Variants in PTPRG observed in about 807,000 individuals in gnomAD.
The protein encoded by PTPRG is receptor-type tyrosine-protein phosphatase gamma.
A neutral mutation model predicts 165.3 loss-of-function variants in PTPRG; 102 were observed. The ratio of observed to expected loss-of-function variants is 0.62; its 90% confidence interval spans 0.53 to 0.73. PTPRG has a LOEUF of 0.73. Ranked by LOEUF, PTPRG falls within the 30% of genes least tolerant of loss-of-function variation. The pLI, the probability that PTPRG is intolerant of heterozygous loss-of-function variation, is 0.00. For missense variants in PTPRG, 1,866 were observed against 1,861.4 expected, an observed-to-expected ratio of 1.00 and a Z score of -0.05; for synonymous variants, 675 against 669.5, an observed-to-expected ratio of 1.01 and a Z score of -0.13.
At chr3:61,710,564 G>C (rs1038308387) in intron 1 of PTPRG, among the ~76,000 whole-genome samples, 2 of 152,022 alleles carry the variant, frequency 1.3e-5, no homozygotes, top group Admixed American at 6.6e-5. Flanking sequence ...CTTTGAATGA[G>C]GCCCAACACA....
intron 2 of PTPRG, among the ~76,000 whole-genome samples, chr3:61,914,515 C>G (rs2038884042): frequency 6.6e-6 from 1 of 152,216 alleles, no homozygotes; most frequent in South Asian, 2.1e-4. Flanking sequence ...AGATACTTGC[C>G]TATGTCCTTG....
intron 1 of PTPRG, among the ~76,000 whole-genome samples, chr3:61,593,928 C>G (rs1007329041): frequency 6.6e-6 from 1 of 151,946 alleles, no homozygotes; most frequent in African/African-American, 2.4e-5. Flanking sequence ...TCTCTTTTTT[C>G]CTTAATCACT....
At chr3:61,960,524 C>CT (rs1260542220) in intron 2 of PTPRG, among the ~76,000 whole-genome samples, 2 of 152,142 alleles carry the variant, frequency 1.3e-5, no homozygotes, top group Non-Finnish European at 2.9e-5. Flanking sequence ...ACTCTGGAGA[C>CT]TGAGCCTAAG....
In PTPRG at chr3:62,214,452, G is replaced by A. The variant is rs1199725779; in HGVS notation, c.2156-4399G>A. ...TCTTCATCCCACCACAATGCCGTATGCAATATTATTACTTCCATTTACAGA... is the reference window on the plus strand; with the variant it reads ...TCTTCATCCCACCACAATGCCGTATACAATATTATTACTTCCATTTACAGA... On this transcript the variant is annotated intron_variant, in intron 12 of 29. Coordinates refer to ENST00000474889, the MANE Select transcript of PTPRG (RefSeq NM_002841.4). This position sits in a 1 kb window ranked among gnomAD's most constrained non-coding sequence, Gnocchi z 5.2. 6.6e-6 allele frequency among the ~76,000 whole-genome samples: 1 copy of A among 152,206 alleles called. No homozygotes were observed. Among genetic ancestry groups the A allele is most frequent in the Non-Finnish European group, 1.5e-5 (1 of 68,040 alleles).
intron 1 of PTPRG, among the ~76,000 whole-genome samples, chr3:61,718,388 C>G (rs1039845834): frequency 2.0e-5 from 3 of 151,944 alleles, no homozygotes; most frequent in Non-Finnish European, 4.4e-5. Flanking sequence ...GGAAAAATGC[C>G]AGGTTGATTG....
rs1475452604 is a variant in PTPRG, at chr3:62,240,318, G to A, written c.2376-3489G>A. Among the ~76,000 whole-genome samples, 1 of 152,052 alleles carries A rather than the reference G, an allele frequency of 6.6e-6. No homozygotes were observed. Among genetic ancestry groups the A allele is most frequent in the East Asian group, 1.9e-4 (1 of 5,172 alleles). On this transcript the variant is annotated intron_variant, in intron 14 of 29. Transcript: ENST00000474889. This position sits in a 1 kb window ranked among gnomAD's most constrained non-coding sequence, Gnocchi z 5.1. ...CCACTGCACTCCAGCCTGGATGACA[G>A]AGCGAGACTCCATCTCAAAATAAAA...
chr3:61,610,751 C>CTCCT (rs1701140641), intron 1 of PTPRG, among the ~76,000 whole-genome samples: 1 of 129,862 alleles, frequency 7.7e-6, no homozygotes, highest in Non-Finnish European at 1.7e-5. Context: ...GCCTCCCTGC[C>CTCCT]TCCCTCCCTC....
At chr3:62,032,411 C>T (rs1046560839) in intron 4 of PTPRG, among the ~76,000 whole-genome samples, 8 of 152,170 alleles carry the variant, frequency 5.3e-5, no homozygotes, top group Admixed American at 5.2e-4. Context: ...ATTTGCTGAG[C>T]AAATTGAATA....
rs79839954 is a variant in PTPRG, at chr3:62,128,612, A to G, written c.616-3990A>G. ...TTATACTCTAAACTTTAAACGTTTA[A>G]TCCTCATGACAACATTATGAGACTG... is the stretch of plus-strand genomic sequence containing the variant. On this transcript the variant is annotated intron_variant, in intron 5 of 29. Transcript: ENST00000474889. 5.3e-5 allele frequency among the ~76,000 whole-genome samples: 8 copies of G among 151,526 alleles called. No individual in the cohort carries two copies. In the East Asian group the frequency reaches 1.2e-3, roughly 22 times the overall value.
intron 7 of PTPRG, among the ~76,000 whole-genome samples, chr3:62,165,795 T>A (rs552763907): frequency 5.4e-4 from 83 of 152,298 alleles, no homozygotes; most frequent in Middle Eastern, 6.8e-3. Flanking sequence ...GCATGGCTAA[T>A]ATCACTACCT....
chr3:61,575,220 C>T (rs929472749), intron 1 of PTPRG, among the ~76,000 whole-genome samples: 8 of 152,026 alleles, frequency 5.3e-5, no homozygotes, highest in African/African-American at 9.7e-5. Flanking sequence ...CCTTATGATG[C>T]GAAGTGGAGG....
At chr3:61,966,077 C>G (rs1354265601) in intron 2 of PTPRG, among the ~76,000 whole-genome samples, 1 of 152,226 alleles carries the variant, frequency 6.6e-6, no homozygotes, top group Middle Eastern at 3.2e-3. Context: ...GGAGGTTTAA[C>G]CATAGCTACT....
chr3:62,010,270 G>A (rs74844161), intron 4 of PTPRG, among the ~76,000 whole-genome samples: 7,736 of 151,982 alleles, frequency 0.051, 269 homozygotes, highest in African/African-American at 0.1. Context: ...TTTGTACATT[G>A]GCATATTAAG....
chr3:61,836,761 T>C (rs1169483932), intron 2 of PTPRG, among the ~76,000 whole-genome samples: 1 of 152,174 alleles, frequency 6.6e-6, no homozygotes, highest in Non-Finnish European at 1.5e-5. Flanking sequence ...ATTTGTTTTT[T>C]TCAGACGGAG....
intron 2 of PTPRG, among the ~76,000 whole-genome samples, chr3:61,817,922 G>A (rs1418720303): frequency 6.6e-6 from 1 of 152,184 alleles, no homozygotes; most frequent in African/African-American, 2.4e-5. Context: ...GGGGGTAGAA[G>A]TCAGAATGAA....
At chr3:61,707,592 G>C (rs1251083159) in intron 1 of PTPRG, among the ~76,000 whole-genome samples, 2 of 152,128 alleles carry the variant, frequency 1.3e-5, no homozygotes, top group African/African-American at 4.8e-5. Flanking sequence ...AGCTGATTAG[G>C]TGATCCCACC....
chr3:62,145,924 G>A (rs572603211), intron 6 of PTPRG, among the ~76,000 whole-genome samples: 15 of 152,260 alleles, frequency 9.9e-5, no homozygotes, highest in East Asian at 3.9e-4. Flanking sequence ...TCCCAGCATC[G>A]ACTAACTTTC....
At position 62,214,905 on chromosome 3, in the gene PTPRG, C is replaced by G. The variant is rs555000191; in HGVS notation, c.2156-3946C>G. Among the ~76,000 whole-genome samples the G allele has an allele frequency of 3.3e-5, 5 of 152,182 alleles. No homozygotes were observed. The South Asian group carries it at 1.0e-3, about 32-fold the overall frequency. On this transcript the variant is annotated intron_variant, in intron 12 of 29. Transcript: ENST00000474889. This position sits in a 1 kb window ranked among gnomAD's most constrained non-coding sequence, Gnocchi z 5.2. ...GCCCTTAAGAGATAGTACAAACTGGCGGCTTCGGGAAGCCTCACAGAGAAG... is the reference window on the plus strand; with the variant it reads ...GCCCTTAAGAGATAGTACAAACTGGGGGCTTCGGGAAGCCTCACAGAGAAG...
chr3:61,832,801 C>T (rs1167088762), intron 2 of PTPRG, among the ~76,000 whole-genome samples: 2 of 152,136 alleles, frequency 1.3e-5, no homozygotes, highest in Admixed American at 6.5e-5. Context: ...CTGCATCCAT[C>T]ACTTGAGCAG....
Sources: allele counts gnomAD v4.1 joint callset (sites outside exome capture counted in the v4.1 genomes callset), GRCh38; gene constraint gnomAD v4.1.1; non-coding constraint Gnocchi (gnomAD v3.1); transcripts MANE v1.5; gene names NCBI Gene and HGNC (gene_info 2026-07-23, HGNC 2026-07-21).